NKAIN2: variants seen among roughly 807,000 people sequenced by gnomAD.
NKAIN2 encodes the protein sodium/potassium-transporting ATPase subunit beta-1-interacting protein 2.
A neutral mutation model predicts 32.6 loss-of-function variants in NKAIN2; 14 were observed. The observed-to-expected ratio is 0.43, with a 90% CI of 0.28 to 0.67. NKAIN2 has a LOEUF of 0.67. Ranked by LOEUF, NKAIN2 falls within the 30% of genes least tolerant of loss-of-function variation. The probability of loss-of-function intolerance (pLI) is 0.17; values close to 1 mark genes in which losing one functional copy is unlikely to be tolerated. For synonymous variants in NKAIN2, 80 were observed against 87.2 expected (o/e 0.92, Z 0.46); for missense variants, 198 against 258.3 (o/e 0.77, Z 1.60).
At chr6:124,701,432 A>G (rs1057352049) in intron 4 of NKAIN2, among the ~76,000 whole-genome samples, 1 of 152,096 alleles carries the variant, frequency 6.6e-6, no homozygotes, top group Non-Finnish European at 1.5e-5. Flanking sequence ...AGTATTAAGT[A>G]TGTATTTTTG....
At chr6:124,562,860 G>A (rs893701932) in intron 3 of NKAIN2, among the ~76,000 whole-genome samples, 9 of 151,390 alleles carry the variant, frequency 5.9e-5, no homozygotes, top group African/African-American at 2.2e-4. Flanking sequence ...TATACTCAAG[G>A]AGAAAACAGG....
chr6:124,438,265 GT>G (rs200714666), intron 3 of NKAIN2, among the ~76,000 whole-genome samples: 2 of 151,712 alleles, frequency 1.3e-5, no homozygotes, highest in Admixed American at 1.3e-4. Context: ...CTTCTATAAT[GT>G]TTTTTTTCCA....
intron 1 of NKAIN2, among the ~76,000 whole-genome samples, chr6:123,867,932 G>A (rs1033475209): frequency 6.7e-6 from 1 of 148,426 alleles, no homozygotes; most frequent in Non-Finnish European, 1.5e-5. Flanking sequence ...GCAGTGGCGT[G>A]ATCTCTGCTC....
chr6:124,711,998 G>T (rs1396475648), intron 4 of NKAIN2, among the ~76,000 whole-genome samples: 1 of 152,024 alleles, frequency 6.6e-6, no homozygotes, highest in Middle Eastern at 3.2e-3. Context: ...TGGGTTTTTG[G>T]TGTGGATGTT....
At chr6:123,805,179 A>T (rs1458972388) in intron 1 of NKAIN2, among the ~76,000 whole-genome samples, 1 of 152,208 alleles carries the variant, frequency 6.6e-6, no homozygotes, top group African/African-American at 2.4e-5. Context: ...ACTTGCTCAC[A>T]CTTGTCATTA....
intron 3 of NKAIN2, among the ~76,000 whole-genome samples, chr6:124,451,054 A>G (rs1035092922): frequency 5.3e-5 from 8 of 152,180 alleles, no homozygotes; most frequent in African/African-American, 1.9e-4. Flanking sequence ...ATCAGTTAAA[A>G]TAATGGAACC....
At chr6:124,493,681 T>C (rs1194093017) in intron 3 of NKAIN2, among the ~76,000 whole-genome samples, 3 of 135,296 alleles carry the variant, frequency 2.2e-5, no homozygotes, top group Admixed American at 8.7e-5. Flanking sequence ...TCTTCTATGC[T>C]AGAATGTTAT....
chr6:124,397,641 AT>A (rs1225517374), intron 3 of NKAIN2, among the ~76,000 whole-genome samples: 2 of 144,662 alleles, frequency 1.4e-5, no homozygotes, highest in African/African-American at 5.7e-5. Context: ...AAAAAAAAGA[AT>A]TTAAAAAAAA....
At chr6:124,121,675 G>T (rs955975893) in intron 1 of NKAIN2, among the ~76,000 whole-genome samples, 2 of 152,074 alleles carry the variant, frequency 1.3e-5, no homozygotes, top group Non-Finnish European at 2.9e-5. Flanking sequence ...GAAAGAAAAA[G>T]ATAAGTTTTT....
intron 3 of NKAIN2, among the ~76,000 whole-genome samples, chr6:124,370,604 A>T (rs1799718624): frequency 6.6e-6 from 1 of 152,134 alleles, no homozygotes; most frequent in African/African-American, 2.4e-5. Flanking sequence ...TCTTATGTGT[A>T]AAAACTAGGC....
Position 124,313,297 on chromosome 6 carries a change from T to C in NKAIN2, c.192+30155T>C, listed in dbSNP as rs115577293. Among the ~76,000 whole-genome samples, 957 of 152,266 alleles carry C rather than the reference T, an allele frequency of 6.3e-3. 10 individuals are homozygous for C. Among genetic ancestry groups the C allele is most frequent in the African/African-American group, 0.022 (916 of 41,566 alleles). ...AACCAGTCCTTGAACACTCTTAAAC[T>C]AGTAGGTGGAAACATCTTTTTTTTT... On this transcript the variant is annotated intron_variant, in intron 2 of 6. Transcript: ENST00000368417.
At chr6:124,645,557 A>G (rs1377182505) in intron 3 of NKAIN2, among the ~76,000 whole-genome samples, 1 of 152,218 alleles carries the variant, frequency 6.6e-6, no homozygotes, top group Non-Finnish European at 1.5e-5. Context: ...TTGCAGACCC[A>G]AAGCAAAATC....
chr6:124,805,144 T>A (rs2114841801), intron 5 of NKAIN2, among the ~76,000 whole-genome samples: 1 of 152,288 alleles, frequency 6.6e-6, no homozygotes, highest in African/African-American at 2.4e-5. Flanking sequence ...GCAGTGGTTC[T>A]CCCAGCACGC....
chr6:124,708,779 T>C (rs1274046471), intron 4 of NKAIN2, among the ~76,000 whole-genome samples: 1 of 151,564 alleles, frequency 6.6e-6, no homozygotes, highest in African/African-American at 2.4e-5. Context: ...TCATGTCGTC[T>C]GCAAACAGGG....
In NKAIN2 at chr6:124,606,768, G is replaced by A. The variant is rs186659493; in HGVS notation, c.274-51418G>A. Among the ~76,000 whole-genome samples, 918 of 152,152 alleles carry A rather than the reference G, an allele frequency of 6.0e-3. 15 individuals carry two copies. Among genetic ancestry groups the A allele is most frequent in the African/African-American group, 0.021 (866 of 41,532 alleles). ...TAAGTAGCATCTATACTGATGCATC[G>A]GTTTAGTAAATGAGTGAACTTGTCA... On this transcript the variant is annotated intron_variant, in intron 3 of 6. Transcript: ENST00000368417.
chr6:124,288,305 G>C (rs1795653856), intron 2 of NKAIN2, among the ~76,000 whole-genome samples: 3 of 152,190 alleles, frequency 2.0e-5, no homozygotes, highest in African/African-American at 7.2e-5. Flanking sequence ...GCCTCTTAGA[G>C]GCACAGTTCA....
chr6:123,951,596 T>C (rs1196467205), intron 1 of NKAIN2, among the ~76,000 whole-genome samples: 1 of 151,978 alleles, frequency 6.6e-6, no homozygotes, highest in Non-Finnish European at 1.5e-5. Flanking sequence ...CTTTTGATTT[T>C]GGTTGTTCAG....
intron 1 of NKAIN2, among the ~76,000 whole-genome samples, chr6:123,949,540 C>T (rs191160992): frequency 2.0e-4 from 31 of 151,852 alleles, no homozygotes; most frequent in African/African-American, 6.7e-4. Context: ...TTTATTCCTA[C>T]GTATTTGGTT....
At chr6:124,722,454 C>A (rs1776070869) in intron 4 of NKAIN2, among the ~76,000 whole-genome samples, 1 of 152,132 alleles carries the variant, frequency 6.6e-6, no homozygotes, top group Admixed American at 6.5e-5. Flanking sequence ...TGGGACAGAC[C>A]TGGGGTAAGG....
Sources: allele counts gnomAD v4.1 joint callset (sites outside exome capture counted in the v4.1 genomes callset), GRCh38; gene constraint gnomAD v4.1.1; transcripts MANE v1.5; gene names NCBI Gene and HGNC (gene_info 2026-07-23, HGNC 2026-07-21).